RIN3: variants seen among roughly 807,000 people sequenced by gnomAD.
The protein encoded by RIN3 is Ras and Rab interactor 3, also known as RAB5 interacting protein 3.
In RIN3, 54 loss-of-function variants were observed where a neutral mutation model predicts 76.3. That is an observed-to-expected ratio of 0.71 (90% CI 0.57 to 0.89). The LOEUF (loss-of-function observed/expected upper bound fraction) is 0.89, where lower values mean the gene tolerates loss of function less well. Among genes scored for constraint, RIN3 ranks in the 40% least tolerant of loss-of-function variants. The probability of loss-of-function intolerance (pLI) is 0.00; values close to 1 mark genes in which losing one functional copy is unlikely to be tolerated. For missense variants in RIN3, 1,256 were observed against 1,322.1 expected (o/e 0.95, Z 0.78); for synonymous variants, 576 against 564.0 (o/e 1.02, Z -0.30).
At chr14:92,641,708 A>T (rs1048307534) in intron 5 of RIN3, among the ~76,000 whole-genome samples, 4 of 152,208 alleles carry the variant, frequency 2.6e-5, no homozygotes, top group African/African-American at 9.7e-5. Flanking sequence ...GAAAAGCAGC[A>T]TGAATGTGAC....
chr14:92,627,621 G>A (rs754719474), intron 4 of RIN3, among the ~76,000 whole-genome samples: 8 of 150,916 alleles, frequency 5.3e-5, no homozygotes, highest in East Asian at 4.1e-4. Flanking sequence ...TTACCTGGTC[G>A]CCACGGTATT....
intron 7 of RIN3, among the ~76,000 whole-genome samples, chr14:92,670,116 A>T (rs895259932): frequency 6.6e-6 from 1 of 151,704 alleles, no homozygotes; most frequent in Non-Finnish European, 1.5e-5. Flanking sequence ...CCAGGCTGGA[A>T]TTAGGGCCTT....
chr14:92,601,632 C>G (rs1885349289), intron 3 of RIN3, among the ~76,000 whole-genome samples: 1 of 152,100 alleles, frequency 6.6e-6, no homozygotes, highest in Admixed American at 6.5e-5. Context: ...TGTTTTTTCT[C>G]AATGGGTCCA....
At chr14:92,645,782 C>T (rs925674161) in intron 5 of RIN3, among the ~76,000 whole-genome samples, 2 of 152,134 alleles carry the variant, frequency 1.3e-5, no homozygotes, top group African/African-American at 2.4e-5. Context: ...GGTGAAACCC[C>T]ATCTTTACTG....
At chr14:92,635,275 C>T (rs1393106888) in intron 4 of RIN3, among the ~76,000 whole-genome samples, 1 of 152,234 alleles carries the variant, frequency 6.6e-6, no homozygotes, top group African/African-American at 2.4e-5. Flanking sequence ...TTTGCCCAGG[C>T]TCCACCTTTG....
chr14:92,615,139 C>G (rs1449728590), intron 3 of RIN3, among the ~76,000 whole-genome samples: 1 of 152,146 alleles, frequency 6.6e-6, no homozygotes, highest in East Asian at 1.9e-4. Flanking sequence ...CTGTACCCGG[C>G]CCGGGTATGT....
At chr14:92,671,895 C>A (rs1250514517) in intron 7 of RIN3, among the ~76,000 whole-genome samples, 1 of 152,154 alleles carries the variant, frequency 6.6e-6, no homozygotes, top group East Asian at 1.9e-4. Context: ...TCACAAGGGG[C>A]CGCATTGTCT....
intron 3 of RIN3, among the ~76,000 whole-genome samples, chr14:92,608,613 C>T (rs1885614118): frequency 6.6e-6 from 1 of 152,030 alleles, no homozygotes; most frequent in African/African-American, 2.4e-5. Context: ...TGGCTCACTA[C>T]AACCTCTGTC....
intron 1 of RIN3, among the ~76,000 whole-genome samples, chr14:92,546,703 T>C (rs1897274594): frequency 7.0e-6 from 1 of 142,360 alleles, no homozygotes. Context: ...GTTTTCATTC[T>C]CTGGGGAGCT....
At chr14:92,584,625 G>A (rs1290771496) in intron 3 of RIN3, among the ~76,000 whole-genome samples, 2 of 152,140 alleles carry the variant, frequency 1.3e-5, no homozygotes, top group East Asian at 1.9e-4. Context: ...GAGAGAGAGG[G>A]GACCAGCAGA....
rs1298031056 is a variant in RIN3 at position 92,577,442 on chromosome 14, A to G, written c.332A>G (p.Glu111Gly). ...HFPSLNESSA[E>G]VLEYTIKEEK... ...CCTTCTCTGAACGAAAGCTCGGCCG[A>G]GGTGCTCGAATACACCATTAAGGAA... The change falls in exon 3 of 10, where the codon GAG becomes GGG. Residue 111 changes from glutamate (E) to glycine (G), a missense_variant. Glu to Gly is a moderately conservative substitution (Grantham distance 98). Transcript: ENST00000216487. 1 of 1,613,386 alleles carries G rather than the reference A, an allele frequency of 6.2e-7. No homozygotes were observed. Among genetic ancestry groups the G allele is most frequent in the South Asian group, 1.1e-5 (1 of 91,046 alleles).
At chr14:92,631,878 C>A (rs1026852591) in intron 4 of RIN3, among the ~76,000 whole-genome samples, 1 of 152,082 alleles carries the variant, frequency 6.6e-6, no homozygotes, top group African/African-American at 2.4e-5. Flanking sequence ...TAGGAATCTG[C>A]GTTTATAATA....
chr14:92,638,907 A>G (rs532925665), intron 4 of RIN3, among the ~76,000 whole-genome samples: 302 of 152,280 alleles, frequency 2.0e-3, no homozygotes, highest in Non-Finnish European at 3.0e-3. Flanking sequence ...CAACTCTTCC[A>G]TAAACACAAG....
At chr14:92,601,055 GT>G (rs1885327089) in intron 3 of RIN3, among the ~76,000 whole-genome samples, 1 of 152,138 alleles carries the variant, frequency 6.6e-6, no homozygotes, top group Non-Finnish European at 1.5e-5. Flanking sequence ...AGCTGTGAGT[GT>G]AATATACACA....
intron 1 of RIN3, among the ~76,000 whole-genome samples, chr14:92,538,683 G>A (rs1241990540): frequency 1.3e-5 from 2 of 152,184 alleles, no homozygotes; most frequent in Admixed American, 6.5e-5. Context: ...GAACAAGAGT[G>A]CAGAGTTCTC....
intron 7 of RIN3, among the ~76,000 whole-genome samples, chr14:92,666,957 C>G (rs894898644): frequency 4.6e-5 from 7 of 152,218 alleles, no homozygotes; most frequent in Admixed American, 2.6e-4. Flanking sequence ...ATGGAGCACA[C>G]TAATGACCAG....
intron 7 of RIN3, among the ~76,000 whole-genome samples, chr14:92,671,424 G>A (rs1888284410): frequency 6.6e-6 from 1 of 152,176 alleles, no homozygotes; most frequent in Admixed American, 6.5e-5. Context: ...ATGTGGGAGG[G>A]TGATGGAGGC....
chr14:92,530,310 C>T (rs1213736126), intron 1 of RIN3, among the ~76,000 whole-genome samples: 1 of 152,096 alleles, frequency 6.6e-6, no homozygotes, highest in Non-Finnish European at 1.5e-5. Context: ...TTGAAGTGTT[C>T]GAAAGGACAG....
intron 5 of RIN3, chr14:92,650,881 C>G (rs78932909): frequency 0.015 from 2,340 of 152,380 alleles, 28 homozygotes; most frequent in Non-Finnish European, 0.019. Context: ...GGTGCAGGAG[C>G]CTTGGCTTCC....
Sources: allele counts gnomAD v4.1 joint callset (sites outside exome capture counted in the v4.1 genomes callset), GRCh38; gene constraint gnomAD v4.1.1; transcripts MANE v1.5; gene names NCBI Gene and HGNC (gene_info 2026-07-23, HGNC 2026-07-21).